ELMO1: variants seen among roughly 807,000 people sequenced by gnomAD.
ELMO1 encodes engulfment and cell motility protein 1.
A neutral mutation model predicts 98.9 loss-of-function variants in ELMO1; 26 were observed. The observed-to-expected ratio is 0.26, with a 90% CI of 0.19 to 0.36. The LOEUF (loss-of-function observed/expected upper bound fraction) is 0.36, where lower values mean the gene tolerates loss of function less well. Ranked by LOEUF, ELMO1 falls within the 10% of genes least tolerant of loss-of-function variation. The pLI, the probability that ELMO1 is intolerant of heterozygous loss-of-function variation, is 1.00. For synonymous variants in ELMO1, 346 were observed against 346.0 expected, an observed-to-expected ratio of 1.00 and a Z score of 0.00; for missense variants, 627 against 935.2, an observed-to-expected ratio of 0.67 and a Z score of 4.30.
chr7:37,329,705 C>T (rs1481929846), intron 2 of ELMO1, among the ~76,000 whole-genome samples: 1 of 152,186 alleles, frequency 6.6e-6, no homozygotes, highest in African/African-American at 2.4e-5. Context: ...TCTATCTTGG[C>T]AGGTGTCACC....
chr7:37,201,578 G>A (rs1792297093), intron 13 of ELMO1, among the ~76,000 whole-genome samples: 1 of 152,170 alleles, frequency 6.6e-6, no homozygotes, highest in South Asian at 2.1e-4. Flanking sequence ...AGTTCCTACC[G>A]GGTCCTGATG....
chr7:36,919,516 T>C, intron 16 of ELMO1: 1 of 414,954 alleles, frequency 2.4e-6, no homozygotes, highest in South Asian at 1.7e-5. Context: ...GCTAAGTCTC[T>C]TCATCTGTAA....
At chr7:37,092,275 G>T (rs143254906) in intron 15 of ELMO1, among the ~76,000 whole-genome samples, 1,898 of 150,188 alleles carry the variant, frequency 0.013, 19 homozygotes, top group Admixed American at 0.021. Context: ...AGATCCAGCT[G>T]TCATTTATGC....
chr7:37,227,872 T>G (rs192939264), intron 8 of ELMO1, among the ~76,000 whole-genome samples: 9 of 152,356 alleles, frequency 5.9e-5, no homozygotes, highest in African/African-American at 2.2e-4. Flanking sequence ...TCATTATTTT[T>G]CTCCTAAGAA....
intron 15 of ELMO1, among the ~76,000 whole-genome samples, chr7:37,091,299 G>T (rs904661646): frequency 6.6e-6 from 1 of 152,056 alleles, no homozygotes; most frequent in Non-Finnish European, 1.5e-5. Flanking sequence ...TAGAGATGGG[G>T]TTTCACCATG....
chr7:37,233,343 T>A (rs1190022561), intron 7 of ELMO1, 149 bp from the exon 8 acceptor site: 9 of 657,382 alleles, frequency 1.4e-5, no homozygotes, highest in Non-Finnish European at 2.3e-5. Flanking sequence ...TTCACTAACA[T>A]GAGTGACATG....
At chr7:36,980,960 T>C (rs949190180) in intron 16 of ELMO1, among the ~76,000 whole-genome samples, 2 of 152,026 alleles carry the variant, frequency 1.3e-5, no homozygotes, top group African/African-American at 4.8e-5. Flanking sequence ...ACCCACACAA[T>C]TTACTCCAAC....
At chr7:37,126,723 G>T (rs1330371831) in intron 14 of ELMO1, among the ~76,000 whole-genome samples, 1 of 152,164 alleles carries the variant, frequency 6.6e-6, no homozygotes, top group African/African-American at 2.4e-5. Context: ...AGGTATTTCA[G>T]AATCAGATCC....
chr7:37,076,305 A>C (rs994817519), intron 15 of ELMO1, among the ~76,000 whole-genome samples: 3 of 152,194 alleles, frequency 2.0e-5, no homozygotes, highest in African/African-American at 4.8e-5. Context: ...CAAAGCTAGA[A>C]ATCAAAGGAC....
chr7:37,061,949 G>A (rs1311271052), intron 15 of ELMO1, among the ~76,000 whole-genome samples: 1 of 152,046 alleles, frequency 6.6e-6, no homozygotes, highest in Admixed American at 6.6e-5. Context: ...AAGGCAACTC[G>A]TGACTTTGGA....
intron 14 of ELMO1, among the ~76,000 whole-genome samples, chr7:37,117,854 C>T (rs1240122916): frequency 2.0e-5 from 3 of 152,150 alleles, no homozygotes; most frequent in Non-Finnish European, 4.4e-5. Flanking sequence ...AAACTGAATC[C>T]TTTCTCCACA....
At chr7:37,209,351 C>T (rs1400573898) in intron 13 of ELMO1, among the ~76,000 whole-genome samples, 2 of 152,176 alleles carry the variant, frequency 1.3e-5, no homozygotes, top group East Asian at 3.9e-4. Context: ...TTCTGGGATC[C>T]AACTGCCCCC....
chr7:37,178,104 G>A (rs772081572), intron 13 of ELMO1, among the ~76,000 whole-genome samples: 17 of 151,982 alleles, frequency 1.1e-4, no homozygotes, highest in Non-Finnish European at 1.6e-4. Context: ...TTAGCAGTAT[G>A]TTAGTCCGTT....
chr7:37,216,521 T>A, intron 11 of ELMO1, 124 bp downstream of exon 11: 1 of 1,114,138 alleles, frequency 9.0e-7, no homozygotes, highest in East Asian at 2.4e-5. Flanking sequence ...TCATTAGAGT[T>A]CCTACTGCTT....
At chr7:37,407,351 T>C (rs1476678723) in intron 1 of ELMO1, among the ~76,000 whole-genome samples, 1 of 151,682 alleles carries the variant, frequency 6.6e-6, no homozygotes, top group Non-Finnish European at 1.5e-5. Flanking sequence ...CTACTAAAAA[T>C]ACAAAAATTA....
intron 18 of ELMO1, among the ~76,000 whole-genome samples, chr7:36,879,041 CAATATTGGAGCCTAATGTT>C (rs1401307761): frequency 6.6e-6 from 1 of 152,216 alleles, no homozygotes; most frequent in African/African-American, 2.4e-5. Context: ...CTTGGACTGG[CAATATTGGAGCCTAATGTT>C]AACACCTTAG....
chr7:37,290,140 G>C (rs1250241372), intron 4 of ELMO1, among the ~76,000 whole-genome samples: 2 of 152,210 alleles, frequency 1.3e-5, no homozygotes, highest in Admixed American at 6.5e-5. Flanking sequence ...CATGAATGTG[G>C]CTATCCAGAT....
At chr7:37,294,061 A>G (rs2130980161) in intron 4 of ELMO1, among the ~76,000 whole-genome samples, 1 of 152,298 alleles carries the variant, frequency 6.6e-6, no homozygotes, top group Non-Finnish European at 1.5e-5. Flanking sequence ...TTCAGATGGC[A>G]TATACTTTTT....
At chr7:36,934,903 TG>T (rs947937233) in intron 16 of ELMO1, among the ~76,000 whole-genome samples, 5 of 152,202 alleles carry the variant, frequency 3.3e-5, no homozygotes, top group African/African-American at 1.2e-4. Context: ...ATCACTTGAG[TG>T]AGATGCCAGG....
Sources: allele counts gnomAD v4.1 joint callset (sites outside exome capture counted in the v4.1 genomes callset), GRCh38; gene constraint gnomAD v4.1.1; transcripts MANE v1.5; gene names NCBI Gene and HGNC (gene_info 2026-07-23, HGNC 2026-07-21).